Variants in PCDH1 observed in about 807,000 individuals in gnomAD.
PCDH1 encodes protocadherin 1.
A neutral mutation model predicts 74.6 loss-of-function variants in PCDH1; 23 were observed. That is an observed-to-expected ratio of 0.31 (90% CI 0.22 to 0.44). The LOEUF (loss-of-function observed/expected upper bound fraction) is 0.44. Ranked by LOEUF, PCDH1 falls within the 20% of genes least tolerant of loss-of-function variation. PCDH1 has a pLI of 1.00. For missense variants in PCDH1, 1,214 were observed against 1,641.4 expected (o/e 0.74, Z 4.50); for synonymous variants, 647 against 686.1 (o/e 0.94, Z 0.89).
intron 4 of PCDH1, among the ~76,000 whole-genome samples, chr5:141,856,590 C>T (rs1294287290): frequency 6.6e-6 from 1 of 152,108 alleles, no homozygotes; most frequent in Admixed American, 6.5e-5. Flanking sequence ...ACACTGACGG[C>T]ACACCTCACC....
intron 4 of PCDH1, 21 bp downstream of exon 4, chr5:141,857,231 G>T: frequency 6.5e-7 from 1 of 1,532,066 alleles, no homozygotes; most frequent in South Asian, 1.2e-5. Context: ...GGGGTGCCCT[G>T]ACCATGGTGC....
intron 1 of PCDH1, among the ~76,000 whole-genome samples, chr5:141,877,030 C>T (rs979336806): frequency 1.3e-5 from 2 of 152,190 alleles, no homozygotes; most frequent in Non-Finnish European, 2.9e-5. Context: ...GCAGGCCGGC[C>T]CAGCCTTCCC....
intron 3 of PCDH1, among the ~76,000 whole-genome samples, chr5:141,858,418 C>T (rs1332879931): frequency 1.3e-5 from 2 of 152,194 alleles, no homozygotes; most frequent in African/African-American, 4.8e-5. Flanking sequence ...ATTAGGAAAG[C>T]TGGTCTCAAA....
Position 141,869,295 on chromosome 5 carries a change from C to T in PCDH1, c.177G>A (p.Arg59=). The change falls in exon 2 of 5, where the codon CGG becomes CGA. Residue 59 remains arginine (R), a synonymous_variant. Coordinates refer to ENST00000287008, the MANE Select transcript of PCDH1 (RefSeq NM_032420.5). The surrounding 1 kb of genome is among the most constrained non-coding windows in gnomAD (Gnocchi z 4.9). ...GTTCCTCCGGCACCTTGTACACTAC[C>T]CGAGTGGCGTGGCCTGGGGATGGAG... The part of the protein sequence containing the change: ...LLAPSPGHAT[R]VVYKVPEEQP... 6.2e-7 allele frequency: 1 copy of T among 1,605,444 alleles called. No homozygotes were observed. The highest frequency in any genetic ancestry group is 1.3e-5 in the African/African-American group (1 of 74,840).
intron 3 of PCDH1, among the ~76,000 whole-genome samples, chr5:141,857,680 G>A (rs1284907773): frequency 6.6e-6 from 1 of 152,052 alleles, no homozygotes. Flanking sequence ...TCCTAGTACA[G>A]CCAAGTCCAC....
In PCDH1 at chr5:141,863,751, A is replaced by G. The variant is rs752588444; in HGVS notation, c.2580T>C (p.Gly860=). 5.6e-6 allele frequency: 9 copies of G among 1,614,118 alleles called. No homozygotes were observed. In the South Asian group the frequency reaches 8.8e-5, roughly 16 times the overall value. ...RGNILFGVVA[G]VVAVALLIAL... ...CGATGAGCAAGGCCACGGCCACCAC[A>G]CCAGCCACCACACCAAAGAGAATGT... The change falls in exon 3 of 5, where the codon GGT becomes GGC. Residue 860 remains glycine, a synonymous_variant. Coordinates refer to ENST00000287008, the MANE Select transcript of PCDH1 (RefSeq NM_032420.5). This position sits in a 1 kb window ranked among gnomAD's most constrained non-coding sequence, Gnocchi z 7.5.
At position 141,878,252 on chromosome 5, in the gene PCDH1, C is replaced by T; in HGVS notation, c.11G>A (p.Gly4Glu). The T allele has an allele frequency of 7.3e-7, 1 of 1,363,268 alleles. No homozygotes were observed. The highest frequency in any genetic ancestry group is 3.2e-5 in the Admixed American group (1 of 31,030). 84.4% of individuals were successfully genotyped at this position (1,363,268 alleles called of 1,614,324 possible). A position where few individuals can be genotyped will look rare whatever the true frequency, so the allele number is the denominator to read the frequency against. The part of the protein sequence containing the change: MDS[G>E]AGGRRCPEAA... ...CTCCGGGCAGCGCCGGCCGCCCGCC[C>T]CGCTGTCCATGAGCCGCCGCCGGCC... The change falls in exon 1 of 5, where the codon GGG becomes GAG. Residue 4 changes from glycine to glutamate, a missense_variant. Coordinates refer to ENST00000287008, the MANE Select transcript of PCDH1 (RefSeq NM_032420.5). The surrounding 1 kb of genome is among the most constrained non-coding windows in gnomAD (Gnocchi z 5.5).
chr5:141,857,422 A>T lies in PCDH1; in HGVS notation c.3149T>A (p.Leu1050Gln), dbSNP rs1752393635. The T allele has an allele frequency of 3.1e-6, 5 of 1,614,068 alleles. No homozygotes were observed. The highest frequency in any genetic ancestry group is 4.2e-6 in the Non-Finnish European group (5 of 1,179,976). Residue 1050 changes from leucine to glutamine, a missense_variant, in exon 4 of 5, where the codon CTG (leucine) becomes CAG (glutamine). Transcript: ENST00000287008. ...GTAACTGTGCTGGGATGGGTCCTGCAGCTCCTGGGCCTGGCTGGTGGCCGA... is the reference window on the plus strand; with the variant it reads ...GTAACTGTGCTGGGATGGGTCCTGCTGCTCCTGGGCCTGGCTGGTGGCCGA... ...TFSATSQAQE[L>Q]QDPSQHSYYD...
At chr5:141,873,461 T>C (rs1753146039) in intron 1 of PCDH1, among the ~76,000 whole-genome samples, 1 of 149,692 alleles carries the variant, frequency 6.7e-6, no homozygotes, top group Admixed American at 6.7e-5. Flanking sequence ...GTTTTTTTTT[T>C]CTTGAGACGG....
intron 1 of PCDH1, among the ~76,000 whole-genome samples, chr5:141,874,580 C>CT (rs1360056978): frequency 6.6e-6 from 1 of 152,198 alleles, no homozygotes; most frequent in African/African-American, 2.4e-5. Context: ...CCCAGAAAAG[C>CT]TGAAGGAAAT....
Position 141,865,469 on chromosome 5 carries a change from T to G in PCDH1, c.904-42A>C. 6.3e-7 allele frequency: 1 copy of G among 1,583,860 alleles called. No individual in the cohort carries two copies. Among genetic ancestry groups the G allele is most frequent in the Non-Finnish European group, 8.6e-7 (1 of 1,166,552 alleles). ...AAAAACAAGGAGAACAGAGATGGTT[T>G]AGATCAGGGATAGCAAATAAAGGGG... On this transcript the variant is annotated intron_variant, in intron 2 of 4. Coordinates refer to ENST00000287008, the MANE Select transcript of PCDH1 (RefSeq NM_032420.5). This position sits in a 1 kb window ranked among gnomAD's most constrained non-coding sequence, Gnocchi z 4.4.
chr5:141,870,533 A>G (rs1452508535), intron 1 of PCDH1, among the ~76,000 whole-genome samples: 1 of 151,218 alleles, frequency 6.6e-6, no homozygotes, highest in Non-Finnish European at 1.5e-5. Context: ...TTCCCTGGCC[A>G]CTCCCCCACC....
Position 141,878,349 on chromosome 5 carries a change from G to T in PCDH1, c.-87C>A. On this transcript the variant is annotated 5_prime_UTR_variant, in exon 1 of 5. Transcript: ENST00000287008. The surrounding 1 kb of genome is among the most constrained non-coding windows in gnomAD (Gnocchi z 5.5). ...CGGGCTCCGGCTCCGGCTCCGGCTG[G>T]CTCTGGGCGCAGCAGCCCGGCGGCT... The T allele has an allele frequency of 9.7e-7, 1 of 1,028,970 alleles. No individual in the cohort carries two copies. Among genetic ancestry groups the T allele is most frequent in the Non-Finnish European group, 1.2e-6 (1 of 819,942 alleles). The allele number at this position is 1,028,970 out of a possible 1,614,324, so 63.7% of individuals were successfully genotyped here. A position where few individuals can be genotyped will look rare whatever the true frequency, so the allele number is the denominator to read the frequency against.
intron 1 of PCDH1, among the ~76,000 whole-genome samples, chr5:141,874,066 A>G (rs2126832857): frequency 6.6e-6 from 1 of 152,330 alleles, no homozygotes; most frequent in Middle Eastern, 3.4e-3. Flanking sequence ...TGAGGCTAGA[A>G]TCTGATTCCT....
chr5:141,859,384 T>A (rs772354757), intron 3 of PCDH1, among the ~76,000 whole-genome samples: 5 of 152,210 alleles, frequency 3.3e-5, no homozygotes, highest in Non-Finnish European at 5.9e-5. Flanking sequence ...ACCCAACACT[T>A]AATGTTCCCT....
intron 4 of PCDH1, 47 bp from the exon 5 acceptor site, chr5:141,854,483 G>A (rs376580484): frequency 2.0e-4 from 304 of 1,546,434 alleles, no homozygotes; most frequent in Non-Finnish European, 2.6e-4. Flanking sequence ...TACAGCCTCT[G>A]CAAAGCTCTG....
intron 1 of PCDH1, among the ~76,000 whole-genome samples, chr5:141,870,475 C>A (rs1418425687): frequency 2.6e-5 from 4 of 152,194 alleles, no homozygotes; most frequent in Non-Finnish European, 5.9e-5. Flanking sequence ...GGGAGCCCAG[C>A]AGGTCTAACT....
intron 4 of PCDH1, among the ~76,000 whole-genome samples, chr5:141,856,537 A>G (rs1467427080): frequency 6.6e-6 from 1 of 152,032 alleles, no homozygotes; most frequent in Non-Finnish European, 1.5e-5. Flanking sequence ...CCCCCTCCAC[A>G]GGCTGCCATG....
rs777641492 is a variant in PCDH1, at chr5:141,864,541, G to T, written c.1790C>A (p.Thr597Asn). 1 of 1,614,106 alleles carries T rather than the reference G, an allele frequency of 6.2e-7. No homozygotes were observed. The highest frequency in any genetic ancestry group is 8.5e-7 in the Non-Finnish European group (1 of 1,180,024). ...RGSPSLQGTA[T>N]VLVNVLDCND... ...GCAGTCCAGCACATTGACAAGGACA[G>T]TGGCTGTGCCCTGGAGGCTAGGACT... The change falls in exon 3 of 5, where the codon ACT becomes AAT. Residue 597 changes from threonine (T) to asparagine (N), a missense_variant. By Grantham distance (65) the Thr-to-Asn change is moderately conservative (BLOSUM62 0). Around this residue, in one of 4 missense-constraint regions of PCDH1, gnomAD observed 836 missense variants for 1,182.2 expected, o/e 0.71. Coordinates refer to ENST00000287008, the MANE Select transcript of PCDH1 (RefSeq NM_032420.5). The surrounding 1 kb of genome is among the most constrained non-coding windows in gnomAD (Gnocchi z 5.9).
Sources: gnomAD v4.1 joint callset for allele counts (sites outside exome capture counted in the v4.1 genomes callset) on GRCh38, gnomAD v4.1.1 for gene constraint, gnomAD v4.1.1 regional missense constraint, Gnocchi (gnomAD v3.1) non-coding constraint, MANE v1.5 for transcripts, NCBI Gene and HGNC (gene_info 2026-07-23, HGNC 2026-07-21) for gene names.